CDIN1: variants seen among roughly 807,000 people sequenced by gnomAD.
CDIN1 encodes CDAN1-interacting nuclease 1.
CDIN1 carries 33 observed loss-of-function variants against 45.3 expected under a neutral mutation model. That is an observed-to-expected ratio of 0.73 (90% CI 0.55 to 0.97). CDIN1 has a LOEUF of 0.97. CDIN1 is among the 50% of genes least tolerant of loss of function. The probability of loss-of-function intolerance (pLI) is 0.00; values close to 1 mark genes in which losing one functional copy is unlikely to be tolerated. For missense variants in CDIN1, 303 were observed against 339.4 expected (o/e 0.89, Z 0.84); for synonymous variants, 118 against 124.4 (o/e 0.95, Z 0.34).
intron 10 of CDIN1, among the ~76,000 whole-genome samples, chr15:36,771,867 G>A (rs2054086713): frequency 6.6e-6 from 1 of 150,916 alleles, no homozygotes; most frequent in East Asian, 2.0e-4. Flanking sequence ...GGCGGAGGTT[G>A]CAGTGAGCAG....
intron 5 of CDIN1, among the ~76,000 whole-genome samples, chr15:36,672,684 T>G (rs909197981): frequency 2.6e-5 from 4 of 151,952 alleles, no homozygotes; most frequent in African/African-American, 9.7e-5. Context: ...TAAAATAGTT[T>G]AGTAGCATCT....
At chr15:36,721,048 A>T (rs1032857880) in intron 10 of CDIN1, among the ~76,000 whole-genome samples, 1 of 151,986 alleles carries the variant, frequency 6.6e-6, no homozygotes, top group Non-Finnish European at 1.5e-5. Context: ...GCATTTTTTC[A>T]TGTGTCTGTT....
chr15:36,685,542 A>G (rs1400007390), intron 5 of CDIN1, among the ~76,000 whole-genome samples: 1 of 152,204 alleles, frequency 6.6e-6, no homozygotes, highest in African/African-American at 2.4e-5. Context: ...TGGCAACAAA[A>G]CACAAAATTG....
At chr15:36,726,823 GC>G (rs1317069968) in intron 10 of CDIN1, among the ~76,000 whole-genome samples, 2 of 151,204 alleles carry the variant, frequency 1.3e-5, no homozygotes, top group African/African-American at 4.9e-5. Context: ...CCAGTATAAG[GC>G]ATTTTTTTTT....
intron 1 of CDIN1, among the ~76,000 whole-genome samples, chr15:36,593,133 G>T (rs1210129903): frequency 6.6e-6 from 1 of 152,172 alleles, no homozygotes; most frequent in Non-Finnish European, 1.5e-5. Flanking sequence ...TGCTACTGCG[G>T]TTATATTATT....
At chr15:36,601,920 T>C (rs943874912) in intron 1 of CDIN1, among the ~76,000 whole-genome samples, 4 of 152,246 alleles carry the variant, frequency 2.6e-5, no homozygotes, top group African/African-American at 7.2e-5. Context: ...ATCATTAACT[T>C]GCACCATACA....
intron 10 of CDIN1, among the ~76,000 whole-genome samples, chr15:36,772,862 A>G (rs1410328061): frequency 2.0e-5 from 3 of 152,216 alleles, no homozygotes; most frequent in Non-Finnish European, 4.4e-5. Flanking sequence ...TAGAGAGTGG[A>G]TTGATTCCTA....
Position 36,587,942 on chromosome 15 carries a change from T to C in CDIN1, c.101+7981T>C, listed in dbSNP as rs57190561. 9.8e-3 allele frequency among the ~76,000 whole-genome samples: 1,486 copies of C among 152,264 alleles called. 19 individuals carry two copies. Among genetic ancestry groups the C allele is most frequent in the African/African-American group, 0.034 (1,403 of 41,538 alleles). On this transcript the variant is annotated intron_variant, in intron 1 of 10. Transcript: ENST00000566621. ...GGTGACGGTGAAGTGAGATAAGGCATGTAAAACAGCGCAGTGTAGAGCTCT... is the reference window on the plus strand; with the variant it reads ...GGTGACGGTGAAGTGAGATAAGGCACGTAAAACAGCGCAGTGTAGAGCTCT...
At chr15:36,762,713 A>G (rs752991261) in intron 10 of CDIN1, among the ~76,000 whole-genome samples, 1 of 151,460 alleles carries the variant, frequency 6.6e-6, no homozygotes, top group Non-Finnish European at 1.5e-5. Flanking sequence ...TCATTGTTCA[A>G]TTCCCACCTA....
chr15:36,728,150 GT>G (rs2043706238), intron 10 of CDIN1, among the ~76,000 whole-genome samples: 1 of 152,118 alleles, frequency 6.6e-6, no homozygotes, highest in South Asian at 2.1e-4. Flanking sequence ...GGGAGGAATT[GT>G]TTTTGTTTTT....
At chr15:36,796,043 G>C (rs1276311212) in intron 10 of CDIN1, among the ~76,000 whole-genome samples, 1 of 152,126 alleles carries the variant, frequency 6.6e-6, no homozygotes, top group Non-Finnish European at 1.5e-5. Flanking sequence ...GTATGACCTT[G>C]TATTGCCTTT....
chr15:36,614,266 C>A (rs149471491), intron 1 of CDIN1: 61 of 600,194 alleles, frequency 1.0e-4, no homozygotes, highest in Admixed American at 1.5e-4. Context: ...GGCCAGCCTG[C>A]CCGAAGCTGA....
At chr15:36,718,812 C>CATTTTTTTTTT (rs2043302593) in intron 10 of CDIN1, among the ~76,000 whole-genome samples, 1 of 96,626 alleles carries the variant, frequency 1.0e-5, no homozygotes, top group Non-Finnish European at 2.0e-5. Context: ...AATTTGTATG[C>CATTTTTTTTTT]TTTTTTTTTT....
intron 1 of CDIN1, among the ~76,000 whole-genome samples, chr15:36,623,214 G>A (rs1335142179): frequency 2.0e-5 from 3 of 151,816 alleles, no homozygotes; most frequent in African/African-American, 4.8e-5. Flanking sequence ...TGTTTTTCCC[G>A]CTGAATTTTT....
intron 10 of CDIN1, chr15:36,798,829 G>A (rs1003496590): frequency 6.6e-6 from 1 of 152,134 alleles, no homozygotes; most frequent in East Asian, 1.9e-4. Flanking sequence ...ATTTTATAAT[G>A]TGGTTCTAAT....
chr15:36,629,135 G>A (rs771293892), intron 1 of CDIN1, among the ~76,000 whole-genome samples: 2 of 152,094 alleles, frequency 1.3e-5, no homozygotes, highest in Non-Finnish European at 2.9e-5. Flanking sequence ...TAAGGGTTTT[G>A]GACTTCTGGC....
chr15:36,699,215 T>C (rs956679132), intron 8 of CDIN1, among the ~76,000 whole-genome samples: 5 of 152,190 alleles, frequency 3.3e-5, no homozygotes, highest in African/African-American at 1.2e-4. Flanking sequence ...ATTTTTAATG[T>C]AGCACTGAAT....
intron 3 of CDIN1, chr15:36,647,702 A>C (rs2040394041): frequency 6.6e-6 from 1 of 152,250 alleles, no homozygotes; most frequent in Admixed American, 6.5e-5. Flanking sequence ...CCAGCAGATT[A>C]GAATAAAGCC....
chr15:36,700,231 T>G (rs1338147193), intron 8 of CDIN1, among the ~76,000 whole-genome samples: 1 of 152,152 alleles, frequency 6.6e-6, no homozygotes, highest in Non-Finnish European at 1.5e-5. Context: ...CTACACTAGT[T>G]AGTACAAAGT....
Sources: allele counts gnomAD v4.1 joint callset (sites outside exome capture counted in the v4.1 genomes callset), GRCh38; gene constraint gnomAD v4.1.1; transcripts MANE v1.5; gene names NCBI Gene and HGNC (gene_info 2026-07-23, HGNC 2026-07-21).